Variants in PLEKHM3 observed in about 807,000 individuals in gnomAD.
PLEKHM3 encodes the protein pleckstrin homology domain-containing family M member 3.
PLEKHM3 carries 45 observed loss-of-function variants against 81.8 expected under a neutral mutation model. That is an observed-to-expected ratio of 0.55 (90% confidence interval 0.43 to 0.71). The LOEUF (loss-of-function observed/expected upper bound fraction) is 0.71, where lower values mean the gene tolerates loss of function less well. Ranked by LOEUF, PLEKHM3 falls within the 30% of genes least tolerant of loss-of-function variation. The pLI is 0.00. For missense variants in PLEKHM3, 788 were observed against 924.3 expected (o/e 0.85, Z 1.91); for synonymous variants, 352 against 356.4 (o/e 0.99, Z 0.14).
At chr2:207,849,796 A>T (rs1559206442) in intron 7 of PLEKHM3, among the ~76,000 whole-genome samples, 1 of 152,232 alleles carries the variant, frequency 6.6e-6, no homozygotes, top group Admixed American at 6.5e-5. Flanking sequence ...TAGTTTATTT[A>T]AAAAATGTTG....
chr2:207,985,638 C>G (rs1478874201), intron 2 of PLEKHM3, among the ~76,000 whole-genome samples: 2 of 151,972 alleles, frequency 1.3e-5, no homozygotes, highest in Non-Finnish European at 2.9e-5. Flanking sequence ...TAATTATTGA[C>G]TATTAATGTG....
chr2:207,900,757 C>T (rs530633116), intron 6 of PLEKHM3: 1 of 153,200 alleles, frequency 6.5e-6, no homozygotes, highest in Non-Finnish European at 1.5e-5. Flanking sequence ...CTTGTTGAAT[C>T]AAACTGAATA....
chr2:207,837,784 T>TTTTTTG (rs2092328606), intron 7 of PLEKHM3, among the ~76,000 whole-genome samples: 1 of 99,900 alleles, frequency 1.0e-5, no homozygotes, highest in African/African-American at 3.4e-5. Context: ...TTTTTTTTTT[T>TTTTTTG]TTTTGAGATT....
intron 2 of PLEKHM3, among the ~76,000 whole-genome samples, chr2:207,980,723 C>A (rs1198123174): frequency 6.6e-6 from 1 of 152,084 alleles, no homozygotes; most frequent in Non-Finnish European, 1.5e-5. Context: ...TACATGCCAC[C>A]ACACCTGGCT....
intron 7 of PLEKHM3, among the ~76,000 whole-genome samples, chr2:207,860,464 A>G (rs761832625): frequency 5.3e-5 from 8 of 152,142 alleles, no homozygotes; most frequent in Non-Finnish European, 1.0e-4. Context: ...CAGTGCACAC[A>G]CATACCGTGT....
intron 7 of PLEKHM3, 71 bp downstream of exon 7, chr2:207,861,034 G>A (rs2105812104): frequency 1.3e-6 from 2 of 1,534,390 alleles, no homozygotes; most frequent in Middle Eastern, 2.0e-4. Flanking sequence ...CTAAAAGTTG[G>A]CCTGATTTGG....
intron 6 of PLEKHM3, among the ~76,000 whole-genome samples, chr2:207,862,434 C>T (rs745402061): frequency 6.6e-6 from 1 of 151,972 alleles, no homozygotes; most frequent in Non-Finnish European, 1.5e-5. Flanking sequence ...GTTAGAAGTT[C>T]GAGACTAGCC....
chr2:207,968,798 G>T (rs1389301242), intron 3 of PLEKHM3, among the ~76,000 whole-genome samples: 1 of 152,170 alleles, frequency 6.6e-6, no homozygotes, highest in African/African-American at 2.4e-5. Flanking sequence ...TCCTCTGGGA[G>T]ACAACAATCC....
chr2:207,953,239 C>T (rs1225475067), intron 3 of PLEKHM3, among the ~76,000 whole-genome samples: 2 of 152,182 alleles, frequency 1.3e-5, no homozygotes, highest in Non-Finnish European at 1.5e-5. Flanking sequence ...ATTATTTTCT[C>T]CATAAGCCTT....
chr2:207,995,001 G>A (rs545953899), intron 2 of PLEKHM3, among the ~76,000 whole-genome samples: 9 of 152,254 alleles, frequency 5.9e-5, no homozygotes, highest in Admixed American at 2.6e-4. Context: ...CACGTTCTGC[G>A]CGTGTATCAC....
rs1161163039 is a variant in PLEKHM3, at chr2:207,946,400, G to A, written c.1659C>T (p.Arg553=). The change falls in exon 4 of 8, where the codon CGC becomes CGT. Residue 553 remains arginine (R), a synonymous_variant. Transcript: ENST00000427836. ...HVDDSFLIPA[R]IVHNWDTSKY... ...TTGAAGTATCCCAGTTGTGGACTAT[G>A]CGTGCTGGAATGAGAAAGCTGTCAT... 1.2e-6 allele frequency: 2 copies of A among 1,614,166 alleles called. No individual in the cohort carries two copies. Among genetic ancestry groups the A allele is most frequent in the South Asian group, 2.2e-5 (2 of 91,072 alleles).
intron 2 of PLEKHM3, among the ~76,000 whole-genome samples, chr2:207,993,323 C>T (rs1691960104): frequency 6.6e-6 from 1 of 152,094 alleles, no homozygotes; most frequent in Non-Finnish European, 1.5e-5. Flanking sequence ...ATTTTAGCAA[C>T]TTCTTTGTAC....
At chr2:208,004,839 T>C (rs1026222550) in intron 1 of PLEKHM3, among the ~76,000 whole-genome samples, 1 of 152,238 alleles carries the variant, frequency 6.6e-6, no homozygotes, top group Non-Finnish European at 1.5e-5. Context: ...TGTTTGTTTT[T>C]TTCAAGACGG....
At chr2:208,020,406 T>C (rs1693086500) in intron 1 of PLEKHM3, among the ~76,000 whole-genome samples, 1 of 152,226 alleles carries the variant, frequency 6.6e-6, no homozygotes, top group African/African-American at 2.4e-5. Context: ...TTGACTTTGG[T>C]TTTTGCTCAT....
At chr2:207,869,243 G>C (rs2105826188) in intron 6 of PLEKHM3, among the ~76,000 whole-genome samples, 1 of 152,268 alleles carries the variant, frequency 6.6e-6, no homozygotes, top group East Asian at 1.9e-4. Flanking sequence ...TAGTGATAGT[G>C]AAACAGACCT....
intron 7 of PLEKHM3, among the ~76,000 whole-genome samples, chr2:207,855,209 AAAACC>A (rs767243095): frequency 1.3e-5 from 2 of 152,182 alleles, no homozygotes; most frequent in African/African-American, 4.8e-5. Context: ...GGAAATGCTG[AAAACC>A]AAACCAAACC....
chr2:207,847,862 T>C (rs2092392780), intron 7 of PLEKHM3, among the ~76,000 whole-genome samples: 1 of 152,108 alleles, frequency 6.6e-6, no homozygotes, highest in East Asian at 1.9e-4. Context: ...AAATGGCATA[T>C]ACATTGGGGG....
chr2:207,872,690 A>T (rs749145914), intron 6 of PLEKHM3, among the ~76,000 whole-genome samples: 4 of 152,150 alleles, frequency 2.6e-5, no homozygotes, highest in Non-Finnish European at 4.4e-5. Context: ...TTACAAAAAA[A>T]TTAGCCGAGG....
chr2:207,966,550 G>A (rs1355793578), intron 3 of PLEKHM3, among the ~76,000 whole-genome samples: 1 of 152,010 alleles, frequency 6.6e-6, no homozygotes, highest in East Asian at 1.9e-4. Flanking sequence ...AGATGTGGAT[G>A]AGTATTTTTT....
Sources: gnomAD v4.1 joint callset for allele counts (sites outside exome capture counted in the v4.1 genomes callset) on GRCh38, gnomAD v4.1.1 for gene constraint, MANE v1.5 for transcripts, NCBI Gene and HGNC (gene_info 2026-07-23, HGNC 2026-07-21) for gene names.